Variants in PHF14 observed in about 807,000 individuals in gnomAD.
The protein encoded by PHF14 is PHD finger protein 14.
PHF14 carries 55 observed loss-of-function variants against 117.9 expected under a neutral mutation model. The observed-to-expected ratio is 0.47, with a 90% CI of 0.38 to 0.58. PHF14 has a LOEUF of 0.58. Ranked by LOEUF, PHF14 falls within the 20% of genes least tolerant of loss-of-function variation. The pLI is 0.00. For synonymous variants in PHF14, 409 were observed against 368.6 expected (o/e 1.11, Z -1.26); for missense variants, 978 against 1,122.2 (o/e 0.87, Z 1.84).
intron 16 of PHF14, chr7:11,102,731 T>C (rs1156661656): frequency 6.5e-6 from 9 of 1,381,298 alleles, no homozygotes; most frequent in Non-Finnish European, 8.4e-6. Flanking sequence ...TAGATTTGCC[T>C]GTGTGGAATT....
rs963877223 is a variant in PHF14 at position 11,055,539 on chromosome 7, A to G, written c.2481+3759A>G. Among the ~76,000 whole-genome samples, 7 of 152,326 alleles carry G rather than the reference A, an allele frequency of 4.6e-5. No homozygotes were observed. The East Asian group carries it at 1.3e-3, about 29-fold the overall frequency. Reference sequence around the variant, plus strand: ...AATAAATGCAATAAATAGGCAAAATACTTTTTAGCAGCTTTGACTGAAAAC... The same window carrying G: ...AATAAATGCAATAAATAGGCAAAATGCTTTTTAGCAGCTTTGACTGAAAAC... On this transcript the variant is annotated intron_variant, in intron 14 of 17. Coordinates refer to ENST00000634607, the MANE Select transcript of PHF14 (RefSeq NM_001007157.2).
intron 16 of PHF14, among the ~76,000 whole-genome samples, chr7:11,086,551 A>G (rs1264963422): frequency 2.0e-5 from 3 of 152,180 alleles, no homozygotes; most frequent in African/African-American, 7.2e-5. Context: ...CCATTTTTTA[A>G]TAATTAAATT....
intron 4 of PHF14, among the ~76,000 whole-genome samples, chr7:10,999,262 C>T (rs1411897011): frequency 1.3e-5 from 2 of 152,198 alleles, no homozygotes; most frequent in Non-Finnish European, 2.9e-5. Flanking sequence ...GTCTCCAGTT[C>T]ACTCCAGTCC....
intron 17 of PHF14, among the ~76,000 whole-genome samples, chr7:11,125,046 A>C (rs958216752): frequency 6.6e-6 from 1 of 152,128 alleles, no homozygotes; most frequent in Non-Finnish European, 1.5e-5. Context: ...CCCTTTCTTC[A>C]TGAAATTCAA....
intron 16 of PHF14, among the ~76,000 whole-genome samples, chr7:11,099,530 CTT>C (rs370968113): frequency 0.032 from 4,815 of 152,154 alleles, 104 homozygotes; most frequent in South Asian, 0.059. Flanking sequence ...TCATTTTACA[CTT>C]TTATATTTCT....
chr7:11,102,778 C>T (rs1276115693), intron 16 of PHF14: 18 of 1,366,304 alleles, frequency 1.3e-5, no homozygotes, highest in Non-Finnish European at 1.6e-5. Context: ...TTTTTTTGCA[C>T]TTATCAGAAA....
At chr7:11,154,085 A>G (rs1454214915) in intron 17 of PHF14, among the ~76,000 whole-genome samples, 1 of 148,854 alleles carries the variant, frequency 6.7e-6, no homozygotes, top group African/African-American at 2.5e-5. Flanking sequence ...ATAGACAAAC[A>G]CATTTGAAAG....
chr7:11,032,318 G>T (rs1784146930), intron 7 of PHF14, among the ~76,000 whole-genome samples: 1 of 152,036 alleles, frequency 6.6e-6, no homozygotes. Flanking sequence ...AATGTTTCTG[G>T]TTTCAGTAAA....
chr7:11,124,869 A>T (rs1787873521), intron 17 of PHF14, among the ~76,000 whole-genome samples: 1 of 152,164 alleles, frequency 6.6e-6, no homozygotes, highest in African/African-American at 2.4e-5. Context: ...CATGACTTCT[A>T]ATCGGAAAGG....
chr7:11,097,465 CG>C, intron 16 of PHF14, among the ~76,000 whole-genome samples: 1 of 151,950 alleles, frequency 6.6e-6, no homozygotes, highest in African/African-American at 2.4e-5. Context: ...CACCATTAGG[CG>C]TAGTAGTAGG....
chr7:11,154,158 A>G (rs1292520918), intron 17 of PHF14, among the ~76,000 whole-genome samples: 4 of 152,080 alleles, frequency 2.6e-5, no homozygotes, highest in East Asian at 3.9e-4. Flanking sequence ...CTTCATTGCT[A>G]TGACTTGGAC....
At chr7:11,072,879 A>G (rs2128333678) in intron 16 of PHF14, among the ~76,000 whole-genome samples, 1 of 152,292 alleles carries the variant, frequency 6.6e-6, no homozygotes, top group South Asian at 2.1e-4. Flanking sequence ...CAGAGAAAAG[A>G]GGAGGTGTCA....
chr7:11,055,758 G>A (rs557202111), intron 14 of PHF14, among the ~76,000 whole-genome samples: 16 of 151,842 alleles, frequency 1.1e-4, no homozygotes, highest in Admixed American at 3.9e-4. Flanking sequence ...CTAATTTTAC[G>A]CATATACAAA....
At chr7:11,080,559 A>T (rs3801445) in intron 16 of PHF14, among the ~76,000 whole-genome samples, 3,891 of 152,270 alleles carry the variant, frequency 0.026, 137 homozygotes, top group East Asian at 0.1. Context: ...TTCAGTTTTT[A>T]AATAAACATT....
rs754246352 is a variant in PHF14 at position 11,037,070 on chromosome 7, G to A, written c.1959G>A (p.Lys653=). ...ATAAATTAGAGAATGAACAAGAAAA[G>A]CTTCATGTAGAATATAATAAGGTAA... is the stretch of plus-strand genomic sequence containing the variant. ...IKDKLENEQE[K]LHVEYNKLCE... is the part of the protein sequence containing the mutation. Residue 653 remains lysine (K), a synonymous_variant, in exon 10 of 18, where the codon AAG becomes AAA. Coordinates refer to ENST00000634607, the MANE Select transcript of PHF14 (RefSeq NM_001007157.2). The A allele has an allele frequency of 2.7e-6, 4 of 1,495,058 alleles. No homozygotes were observed. Among genetic ancestry groups the A allele is most frequent in the Non-Finnish European group, 3.7e-6 (4 of 1,094,996 alleles). The allele number at this position is 1,495,058 out of a possible 1,614,324, so 92.6% of individuals were successfully genotyped here. A position where few individuals can be genotyped will look rare whatever the true frequency, so the allele number is the denominator to read the frequency against.
chr7:10,993,733 T>A (rs1316046155), intron 4 of PHF14, among the ~76,000 whole-genome samples: 2 of 152,090 alleles, frequency 1.3e-5, no homozygotes, highest in African/African-American at 2.4e-5. Context: ...AGGGGCTGGG[T>A]ACGGTGGCTC....
At chr7:11,072,619 G>GAT (rs1785655343) in intron 16 of PHF14, among the ~76,000 whole-genome samples, 16 of 152,180 alleles carry the variant, frequency 1.1e-4, no homozygotes, top group Middle Eastern at 3.4e-3. Flanking sequence ...AATGGTAAAG[G>GAT]CTATATATAT....
intron 10 of PHF14, 135 bp downstream of exon 10, chr7:11,037,226 C>G: frequency 1.5e-6 from 1 of 656,964 alleles, no homozygotes; most frequent in Non-Finnish European, 2.5e-6. Context: ...ATAACTCCTA[C>G]TCCTCATTAG....
intron 16 of PHF14, among the ~76,000 whole-genome samples, chr7:11,074,803 G>A (rs1307232507): frequency 2.0e-5 from 3 of 151,988 alleles, no homozygotes; most frequent in Admixed American, 2.0e-4. Context: ...ATCAGCATTC[G>A]GCCACAACCA....
Sources: gnomAD v4.1 joint callset for allele counts (sites outside exome capture counted in the v4.1 genomes callset) on GRCh38, gnomAD v4.1.1 for gene constraint, MANE v1.5 for transcripts, NCBI Gene and HGNC (gene_info 2026-07-23, HGNC 2026-07-21) for gene names.